MALRD1: variants seen among roughly 807,000 people sequenced by gnomAD.
The protein encoded by MALRD1 is MAM and LDL receptor class A domain containing 1, also known as MAM and LDL-receptor class A domain-containing protein 1.
A neutral mutation model predicts 242.1 loss-of-function variants in MALRD1; 247 were observed. The ratio of observed to expected loss-of-function variants is 1.02; its 90% CI spans 0.92 to 1.13. The LOEUF (loss-of-function observed/expected upper bound fraction) is 1.13. Ranked by LOEUF, MALRD1 falls within the 50% of genes most tolerant of loss-of-function variation. The pLI, the probability that MALRD1 is intolerant of heterozygous loss-of-function variation, is 0.00. For synonymous variants in MALRD1, 995 were observed against 866.6 expected, an observed-to-expected ratio of 1.15 and a Z score of -2.60; for missense variants, 2,989 against 2,533.1, an observed-to-expected ratio of 1.18 and a Z score of -3.86.
chr10:19,552,707 A>G (rs186575712), intron 32 of MALRD1, among the ~76,000 whole-genome samples: 2 of 142,454 alleles, frequency 1.4e-5, no homozygotes, highest in East Asian at 4.4e-4. Flanking sequence ...AATATTTTTT[A>G]ATTTCAAAAG....
chr10:19,495,975 A>G (rs575034449), intron 30 of MALRD1, among the ~76,000 whole-genome samples: 1 of 152,282 alleles, frequency 6.6e-6, no homozygotes, highest in Admixed American at 6.5e-5. Flanking sequence ...AAGAAAGACA[A>G]TGACTGTAGA....
intron 24 of MALRD1, among the ~76,000 whole-genome samples, chr10:19,339,968 G>A (rs532102455): frequency 6.1e-4 from 93 of 152,192 alleles, no homozygotes; most frequent in African/African-American, 2.0e-3. Context: ...GAGAGAGAAC[G>A]AAGGAGTGAG....
intron 13 of MALRD1, among the ~76,000 whole-genome samples, chr10:19,166,722 A>G (rs534264521): frequency 6.6e-6 from 1 of 152,320 alleles, no homozygotes; most frequent in South Asian, 2.1e-4. Context: ...TTAATAAAAT[A>G]TAATAATAAA....
intron 33 of MALRD1, among the ~76,000 whole-genome samples, chr10:19,575,832 T>C (rs1210143087): frequency 6.6e-6 from 1 of 152,194 alleles, no homozygotes; most frequent in African/African-American, 2.4e-5. Flanking sequence ...TGAGACCTTA[T>C]GATTGTTCAT....
intron 35 of MALRD1, among the ~76,000 whole-genome samples, chr10:19,612,644 T>C (rs949527275): frequency 6.6e-6 from 1 of 151,882 alleles, no homozygotes; most frequent in African/African-American, 2.4e-5. Context: ...TTTCATTGGC[T>C]CATGGTTCTG....
chr10:19,388,620 A>C (rs1264384297), intron 27 of MALRD1, among the ~76,000 whole-genome samples: 1 of 152,192 alleles, frequency 6.6e-6, no homozygotes, highest in African/African-American at 2.4e-5. Flanking sequence ...AAACCTATAG[A>C]GATGCCATGA....
At chr10:19,318,925 G>A (rs1015841358) in intron 21 of MALRD1, among the ~76,000 whole-genome samples, 1 of 151,480 alleles carries the variant, frequency 6.6e-6, no homozygotes, top group South Asian at 2.1e-4. Context: ...GTTCTAGCTG[G>A]CAGGTATATA....
At chr10:19,607,528 G>A (rs1163284285) in intron 34 of MALRD1, among the ~76,000 whole-genome samples, 1 of 152,074 alleles carries the variant, frequency 6.6e-6, no homozygotes, top group African/African-American at 2.4e-5. Context: ...TTGAGGTGAG[G>A]ACACAATTCA....
intron 36 of MALRD1, among the ~76,000 whole-genome samples, chr10:19,682,499 C>T (rs935452496): frequency 6.6e-6 from 1 of 152,110 alleles, no homozygotes; most frequent in Non-Finnish European, 1.5e-5. Context: ...AAAACAGGCT[C>T]TTATGCATGA....
chr10:19,099,503 G>T (rs1225917534), intron 4 of MALRD1, among the ~76,000 whole-genome samples: 1 of 152,084 alleles, frequency 6.6e-6, no homozygotes, highest in Non-Finnish European at 1.5e-5. Context: ...TGTTGGATTA[G>T]TGCAGGCTGT....
At chr10:19,598,092 T>A (rs1298940458) in intron 34 of MALRD1, among the ~76,000 whole-genome samples, 1 of 152,066 alleles carries the variant, frequency 6.6e-6, no homozygotes, top group Non-Finnish European at 1.5e-5. Flanking sequence ...AACTTGGATA[T>A]GGGATGGATT....
intron 24 of MALRD1, among the ~76,000 whole-genome samples, 176 bp downstream of exon 24, chr10:19,331,758 T>C (rs763096219): frequency 2.0e-5 from 3 of 152,204 alleles, no homozygotes; most frequent in Non-Finnish European, 2.9e-5. Context: ...ATAATCATAA[T>C]TCATTTACAA....
intron 32 of MALRD1, among the ~76,000 whole-genome samples, chr10:19,566,871 A>AT (rs936798137): frequency 2.0e-5 from 3 of 151,934 alleles, no homozygotes; most frequent in Admixed American, 6.6e-5. Flanking sequence ...GCCATATGTT[A>AT]TTTTTTTAAA....
intron 21 of MALRD1, among the ~76,000 whole-genome samples, chr10:19,288,008 A>G (rs1456300400): frequency 6.6e-6 from 1 of 152,098 alleles, no homozygotes; most frequent in Admixed American, 6.6e-5. Context: ...ATTAAGCAAC[A>G]TGACATGCAA....
chr10:19,186,007 G>T lies in MALRD1; in HGVS notation c.1951+10679G>T, dbSNP rs574728840. ...TACAAATTACTTTTAATTTTGTAAG[G>T]TCTGGAAAAATGAGCTGCTGTTTTC... On this transcript the variant is annotated intron_variant, in intron 14 of 39. Coordinates refer to ENST00000454679, the MANE Select transcript of MALRD1 (RefSeq NM_001142308.3). 1.1e-4 allele frequency among the ~76,000 whole-genome samples: 17 copies of T among 152,142 alleles called. 1 individual carries two copies. In the East Asian group the frequency reaches 2.9e-3, roughly 26 times the overall value.
intron 17 of MALRD1, among the ~76,000 whole-genome samples, chr10:19,206,919 T>TC (rs1564466990): frequency 1.3e-5 from 2 of 152,038 alleles, no homozygotes; most frequent in Admixed American, 6.6e-5. Context: ...GTACCCTGTG[T>TC]CCCCCCAAGT....
chr10:19,396,436 G>A (rs190845864), intron 28 of MALRD1, among the ~76,000 whole-genome samples: 75 of 152,008 alleles, frequency 4.9e-4, no homozygotes, highest in African/African-American at 1.8e-3. Context: ...TGCTGGCCTC[G>A]TTTATTTCTA....
At chr10:19,181,977 G>T (rs1350983167) in intron 14 of MALRD1, among the ~76,000 whole-genome samples, 1 of 152,074 alleles carries the variant, frequency 6.6e-6, no homozygotes, top group Non-Finnish European at 1.5e-5. Context: ...ACTCTAGGAA[G>T]TTGGAAAATA....
Position 19,257,781 on chromosome 10 carries a change from A to C in MALRD1, c.3079+10A>C. The stretch of plus-strand genomic sequence containing the variant: ...TGCACCCTCTACCCTGGTAAGAGAG[A>C]ACATTTCAATTTGGGGTTATTTCTA... On this transcript the variant is annotated intron_variant, in intron 19 of 39. Transcript: ENST00000454679. 1 of 1,469,880 alleles carries C rather than the reference A, an allele frequency of 6.8e-7. No homozygotes were observed. 91.1% of individuals were successfully genotyped at this position (1,469,880 alleles called of 1,614,324 possible). A position where few individuals can be genotyped will look rare whatever the true frequency, so the allele number is the denominator to read the frequency against.
Sources: allele counts gnomAD v4.1 joint callset (sites outside exome capture counted in the v4.1 genomes callset), GRCh38; gene constraint gnomAD v4.1.1; transcripts MANE v1.5; gene names NCBI Gene and HGNC (gene_info 2026-07-23, HGNC 2026-07-21).